The following TAPT1 variants were observed in gnomAD, a reference collection of about 807,000 sequenced individuals.
TAPT1 encodes transmembrane anterior posterior transformation 1, also known as transmembrane anterior posterior transformation protein 1 homolog.
In TAPT1, 28 loss-of-function variants were observed where a neutral mutation model predicts 65.6. The observed-to-expected ratio is 0.43, with a 90% CI of 0.32 to 0.59. The LOEUF is 0.59. Among genes scored for constraint, TAPT1 ranks in the 20% least tolerant of loss-of-function variants. The pLI is 0.09. For synonymous variants in TAPT1, 278 were observed against 245.2 expected, an observed-to-expected ratio of 1.13 and a Z score of -1.25; for missense variants, 563 against 679.9, an observed-to-expected ratio of 0.83 and a Z score of 1.91.
Position 16,162,071 on chromosome 4 carries a change from C to G in TAPT1, c.*1237G>C, listed in dbSNP as rs317853. 113,496 of 152,136 alleles carry G rather than the reference C, an allele frequency of 0.75. 42,515 individuals are homozygous for G. The highest frequency in any genetic ancestry group is 0.86 in the Middle Eastern group (252 of 294). The allele number at this position is 152,136 out of a possible 1,614,324, so 9.4% of individuals were successfully genotyped here. On this transcript the variant is annotated 3_prime_UTR_variant, in exon 14 of 14. Coordinates refer to ENST00000405303, the MANE Select transcript of TAPT1 (RefSeq NM_153365.3). ...AGTAATTAAGCGGAAACACAATCTT[C>G]ATCTCAAATAAAACCAAAAAGCACC... is the stretch of plus-strand genomic sequence containing the variant.
chr4:16,163,088 T>C lies in TAPT1; in HGVS notation c.*220A>G. ...AGGCAGGAGGAAGTTTTATAATCCA[T>C]CAAGCTTCCCAGACAGTCAAGGCCG... On this transcript the variant is annotated 3_prime_UTR_variant, in exon 14 of 14. Transcript: ENST00000405303. 1.6e-6 allele frequency: 1 copy of C among 619,468 alleles called. No homozygotes were observed. Among genetic ancestry groups the C allele is most frequent in the African/African-American group, 1.8e-5 (1 of 55,560 alleles). 38.4% of individuals were successfully genotyped at this position (619,468 alleles called of 1,614,324 possible). A position where few individuals can be genotyped will look rare whatever the true frequency, so the allele number is the denominator to read the frequency against.
Position 16,176,193 on chromosome 4 carries a change from C to A in TAPT1, c.1033G>T (p.Val345Leu). The change falls in exon 9 of 14, where the codon GTA (valine) becomes TTA (leucine). Residue 345 changes from valine (V) to leucine (L), a missense_variant. By Grantham distance (32) the Val-to-Leu change is conservative. This residue lies in a region of TAPT1 where 104 missense variants were observed against 102.5 expected (regional missense o/e 1.01). Coordinates refer to ENST00000405303, the MANE Select transcript of TAPT1 (RefSeq NM_153365.3). ...LWVLFPDVCM[V>L]IASEIAVDIV... ...TCCACGGCAATTTCTGATGCAATTA[C>A]CATACAGACATCTGGAAACAACACC... 6.4e-7 allele frequency: 1 copy of A among 1,573,898 alleles called. No homozygotes were observed. Among genetic ancestry groups the A allele is most frequent in the Non-Finnish European group, 8.6e-7 (1 of 1,159,214 alleles).
intron 2 of TAPT1, among the ~76,000 whole-genome samples, chr4:16,209,542 G>A (rs1033961771): frequency 1.3e-5 from 2 of 152,170 alleles, no homozygotes; most frequent in African/African-American, 4.8e-5. Context: ...ACTATTTACT[G>A]TAGCTTTAGA....
chr4:16,200,527 T>C (rs1163625625), intron 3 of TAPT1, among the ~76,000 whole-genome samples: 1 of 152,174 alleles, frequency 6.6e-6, no homozygotes, highest in Non-Finnish European at 1.5e-5. Context: ...GTTCTTACTA[T>C]GTTGCCCAGG....
intron 3 of TAPT1, among the ~76,000 whole-genome samples, chr4:16,197,736 T>A (rs192906059): frequency 3.5e-4 from 54 of 152,326 alleles, no homozygotes; most frequent in Non-Finnish European, 5.1e-4. Context: ...TTAAAAAGAT[T>A]ATCCTCGTTC....
At position 16,163,408 on chromosome 4, in the gene TAPT1, T is replaced by G; in HGVS notation, c.1604A>C (p.Lys535Thr). 6.2e-7 allele frequency: 1 copy of G among 1,613,990 alleles called. No individual in the cohort carries two copies. Among genetic ancestry groups the G allele is most frequent in the South Asian group, 1.1e-5 (1 of 91,086 alleles). Residue 535 changes from lysine to threonine, a missense_variant, in exon 14 of 14, where the codon AAG becomes ACG. By Grantham distance (78) the Lys-to-Thr change is moderately conservative. Around this residue, in one of 5 missense-constraint regions of TAPT1, gnomAD observed 136 missense variants for 153.9 expected, o/e 0.88. Transcript: ENST00000405303. The part of the protein sequence containing the change: ...QFLTTPDGDE[K>T]DITQDNSELK... ...TTCAGAATTGTCCTGCGTTATGTCCTTCTCGTCACCATCTGGAGTTGTCAA... is the reference window on the plus strand; with the variant it reads ...TTCAGAATTGTCCTGCGTTATGTCCGTCTCGTCACCATCTGGAGTTGTCAA...
chr4:16,225,434 T>C (rs566331046), intron 1 of TAPT1, among the ~76,000 whole-genome samples: 73 of 152,352 alleles, frequency 4.8e-4, no homozygotes, highest in African/African-American at 1.7e-3. Flanking sequence ...AGTTGCTGTT[T>C]ACAGCTTGAG....
chr4:16,226,428 C>G lies in TAPT1; in HGVS notation c.30G>C (p.Pro10=), dbSNP rs1207149173. Residue 10 remains proline, a synonymous_variant, in exon 1 of 14, where the codon CCG becomes CCC. Coordinates refer to ENST00000405303, the MANE Select transcript of TAPT1 (RefSeq NM_153365.3). MAGVGDAAA[P]GEGGGGGVDG... ...CCACGCCGCCACCGCCGCCTTCTCC[C>G]GGAGCGGCCGCGTCGCCGACGCCCG... is the stretch of plus-strand genomic sequence containing the variant. 3.7e-6 allele frequency: 4 copies of G among 1,079,714 alleles called. No homozygotes were observed. Among genetic ancestry groups the G allele is most frequent in the Non-Finnish European group, 4.5e-6 (4 of 892,318 alleles). 66.9% of individuals were successfully genotyped at this position (1,079,714 alleles called of 1,614,324 possible).
intron 2 of TAPT1, among the ~76,000 whole-genome samples, chr4:16,211,465 C>T (rs1203475534): frequency 6.6e-6 from 1 of 152,138 alleles, no homozygotes; most frequent in African/African-American, 2.4e-5. Context: ...TGGCTTTCCT[C>T]TACATCCCAC....
chr4:16,174,893 G>A, intron 9 of TAPT1, 164 bp from the exon 10 acceptor site: 7 of 512,988 alleles, frequency 1.4e-5, no homozygotes, highest in East Asian at 3.3e-5. Context: ...CTACAGTAAA[G>A]GTAAAATGTA....
At chr4:16,167,975 C>A (rs1352395988) in intron 12 of TAPT1, among the ~76,000 whole-genome samples, 1 of 152,080 alleles carries the variant, frequency 6.6e-6, no homozygotes, top group East Asian at 1.9e-4. Flanking sequence ...TACCTAGATA[C>A]CTATGACTAC....
At position 16,161,029 on chromosome 4, in the gene TAPT1, T is replaced by C. The variant is rs776073567; in HGVS notation, c.*2279A>G. The C allele has an allele frequency of 3.3e-5, 5 of 152,668 alleles. No homozygotes were observed. The highest frequency in any genetic ancestry group is 2.6e-4 in the Admixed American group (4 of 15,290). 9.5% of individuals were successfully genotyped at this position (152,668 alleles called of 1,614,324 possible). A position where few individuals can be genotyped will look rare whatever the true frequency, so the allele number is the denominator to read the frequency against. On this transcript the variant is annotated 3_prime_UTR_variant, in exon 14 of 14. Coordinates refer to ENST00000405303, the MANE Select transcript of TAPT1 (RefSeq NM_153365.3). ...CTGTCTTGAACTTGACTCCCAGATG[T>C]GAAAAATATTTTGTGTGACATTCAA... is the stretch of plus-strand genomic sequence containing the variant.
chr4:16,224,561 C>T (rs1751438494), intron 1 of TAPT1, among the ~76,000 whole-genome samples: 1 of 152,154 alleles, frequency 6.6e-6, no homozygotes, highest in South Asian at 2.1e-4. Context: ...CTTGGTAAAG[C>T]AGGAGTGGCC....
chr4:16,187,003 T>A, intron 5 of TAPT1, 125 bp from the exon 6 acceptor site: 1 of 612,414 alleles, frequency 1.6e-6, no homozygotes, highest in Non-Finnish European at 2.9e-6. Flanking sequence ...AGTATTGTAT[T>A]ATCTTCATAA....
intron 8 of TAPT1, 154 bp from the exon 9 acceptor site, chr4:16,176,382 C>T (rs769435666): frequency 1.4e-5 from 7 of 509,256 alleles, no homozygotes; most frequent in Non-Finnish European, 2.4e-5. Context: ...ATCAAAAGAG[C>T]TATACTGTAT....
At chr4:16,180,389 C>A (rs1317956963) in intron 7 of TAPT1, among the ~76,000 whole-genome samples, 1 of 152,136 alleles carries the variant, frequency 6.6e-6, no homozygotes, top group African/African-American at 2.4e-5. Flanking sequence ...AATTTGTCTG[C>A]AGTTAAGAGT....
At chr4:16,175,186 T>C (rs1209308849) in intron 9 of TAPT1, 1 of 152,206 alleles carries the variant, frequency 6.6e-6, no homozygotes, top group East Asian at 1.9e-4. Context: ...AAGGCACTTG[T>C]GAATGATCAT....
Position 16,186,857 on chromosome 4 carries a change from A to G in TAPT1, c.770T>C (p.Met257Thr), listed in dbSNP as rs1325017708. 6.2e-7 allele frequency: 1 copy of G among 1,610,138 alleles called. No individual in the cohort carries two copies. The highest frequency in any genetic ancestry group is 2.2e-5 in the East Asian group (1 of 44,744). Residue 257 changes from methionine (M) to threonine (T), a missense_variant, in exon 6 of 14, where the codon ATG (methionine) becomes ACG (threonine). Physicochemically the swap from Met to Thr is moderately conservative, Grantham distance 81 (BLOSUM62 -1). Transcript: ENST00000405303. ...TACATTGAGAGTTGTTGCTTGAACCATTATAAGAATTGCATGCAAAACTAA... is the reference window on the plus strand; with the variant it reads ...TACATTGAGAGTTGTTGCTTGAACCGTTATAAGAATTGCATGCAAAACTAA... ...LYVFLHAILI[M>T]VQATTLNVAF...
intron 1 of TAPT1, among the ~76,000 whole-genome samples, chr4:16,222,076 G>A (rs1042926672): frequency 1.3e-5 from 2 of 152,286 alleles, no homozygotes; most frequent in Middle Eastern, 3.4e-3. Context: ...AGGTCATAAG[G>A]TTATAAAGCA....
Sources: allele counts gnomAD v4.1 joint callset (sites outside exome capture counted in the v4.1 genomes callset), GRCh38; gene constraint gnomAD v4.1.1; regional missense constraint gnomAD v4.1.1; transcripts MANE v1.5; gene names NCBI Gene and HGNC (gene_info 2026-07-23, HGNC 2026-07-21).